Variants in EEFSEC observed in about 807,000 individuals in gnomAD.
EEFSEC encodes eukaryotic elongation factor, selenocysteine-tRNA specific, also known as selenocysteine-specific elongation factor.
A neutral mutation model predicts 42.1 loss-of-function variants in EEFSEC; 43 were observed. The observed-to-expected ratio is 1.02, with a 90% CI of 0.80 to 1.32. EEFSEC has a LOEUF of 1.32. EEFSEC is among the 40% of genes most tolerant of loss of function. EEFSEC has a pLI of 0.00. For missense variants in EEFSEC, 745 were observed against 803.6 expected, an observed-to-expected ratio of 0.93 and a Z score of 0.88; for synonymous variants, 354 against 339.1, an observed-to-expected ratio of 1.04 and a Z score of -0.48.
At chr3:128,335,706 GGGAAGAACAGGCTCTT>G (rs1238911600) in intron 4 of EEFSEC, among the ~76,000 whole-genome samples, 1 of 152,154 alleles carries the variant, frequency 6.6e-6, no homozygotes, top group African/African-American at 2.4e-5. Flanking sequence ...ACAGGCTGTG[GGGAAGAACAGGCTCTT>G]GGAAGAACAG....
chr3:128,408,295 G>C lies in EEFSEC; in HGVS notation c.*36G>C. 6.6e-7 allele frequency: 1 copy of C among 1,514,110 alleles called. No homozygotes were observed. The allele number at this position is 1,514,110 out of a possible 1,614,324, so 93.8% of individuals were successfully genotyped here. Reference sequence around the variant, plus strand: ...ACCTCCCCCAGGGCCTCCTTGCCCAGCCCAGTCCAGGCTGCTGTGCCAAAT... The same window carrying C: ...ACCTCCCCCAGGGCCTCCTTGCCCACCCCAGTCCAGGCTGCTGTGCCAAAT... On this transcript the variant is annotated 3_prime_UTR_variant, in exon 7 of 7. Coordinates refer to ENST00000254730, the MANE Select transcript of EEFSEC (RefSeq NM_021937.5).
downstream of EEFSEC, among the ~76,000 whole-genome samples, chr3:128,411,331 C>T (rs928166907): frequency 2.6e-5 from 4 of 152,208 alleles, no homozygotes; most frequent in African/African-American, 9.7e-5. Flanking sequence ...GTAAACTCAC[C>T]GAATCTGCTC....
At chr3:128,396,199 G>A (rs2067979561) in intron 6 of EEFSEC, among the ~76,000 whole-genome samples, 1 of 152,178 alleles carries the variant, frequency 6.6e-6, no homozygotes, top group Non-Finnish European at 1.5e-5. Flanking sequence ...TCATGGACCA[G>A]GCCTGGCTTA....
At chr3:128,252,082 C>G (rs1176420941) in intron 2 of EEFSEC, among the ~76,000 whole-genome samples, 1 of 152,174 alleles carries the variant, frequency 6.6e-6, no homozygotes, top group African/African-American at 2.4e-5. Flanking sequence ...TGACAGCATC[C>G]TTGATACATC....
At chr3:128,404,809 C>T (rs777967049) in intron 6 of EEFSEC, among the ~76,000 whole-genome samples, 1 of 152,206 alleles carries the variant, frequency 6.6e-6, no homozygotes, top group Non-Finnish European at 1.5e-5. Flanking sequence ...CATAGTGTCA[C>T]ATGTCCCTCA....
intron 6 of EEFSEC, among the ~76,000 whole-genome samples, chr3:128,372,059 T>C (rs528770861): frequency 1.3e-5 from 2 of 152,392 alleles, no homozygotes; most frequent in East Asian, 1.9e-4. Context: ...TCTAAAACTT[T>C]CCAGATTTGC....
At chr3:128,360,591 G>C (rs937793310) in intron 6 of EEFSEC, among the ~76,000 whole-genome samples, 1 of 152,132 alleles carries the variant, frequency 6.6e-6, no homozygotes, top group Non-Finnish European at 1.5e-5. Flanking sequence ...TATTCCCAGG[G>C]CAGGCAAGAA....
Position 128,408,070 on chromosome 3 carries a change from T to A in EEFSEC, c.1602T>A (p.Gly534=), listed in dbSNP as rs768123561. Residue 534 remains glycine, a splice_region_variant and synonymous_variant, in exon 7 of 7, where the codon GGT becomes GGA. Coordinates refer to ENST00000254730, the MANE Select transcript of EEFSEC (RefSeq NM_021937.5). ...CAGGCTCTCTTCTGTGCCTTGCAGG[T>A]GGCCTCAGCCCCGAGTCCAAGAAGA... The part of the protein sequence containing the change: ...QSGKFKIHIP[G]GLSPESKKIL... 6.4e-7 allele frequency: 1 copy of A among 1,553,466 alleles called. No homozygotes were observed. Among genetic ancestry groups the A allele is most frequent in the South Asian group, 1.2e-5 (1 of 81,874 alleles).
chr3:128,321,440 T>C lies in EEFSEC; in HGVS notation c.787-19793T>C, dbSNP rs1437419482. Among the ~76,000 whole-genome samples the C allele has an allele frequency of 2.0e-5, 3 of 152,102 alleles. No individual in the cohort carries two copies. The East Asian group carries it at 5.8e-4, about 29-fold the overall frequency. ...GGGGGAAGGACCCAGGCAAGGATTT[T>C]ATGACCTGTCCCTCTCCCTTCCTGT... On this transcript the variant is annotated intron_variant, in intron 4 of 6. Coordinates refer to ENST00000254730, the MANE Select transcript of EEFSEC (RefSeq NM_021937.5).
chr3:128,187,868 T>C (rs2065480644), intron 1 of EEFSEC, among the ~76,000 whole-genome samples: 1 of 152,110 alleles, frequency 6.6e-6, no homozygotes, highest in African/African-American at 2.4e-5. Context: ...TTTCAGAAAA[T>C]GGGCATTGAC....
intron 1 of EEFSEC, among the ~76,000 whole-genome samples, chr3:128,223,881 C>T (rs997128350): frequency 6.8e-5 from 5 of 73,940 alleles, no homozygotes; most frequent in African/African-American, 1.8e-4. Flanking sequence ...GATATAAAAA[C>T]GGGATATTTT....
At chr3:128,176,719 T>A (rs908209857) in intron 1 of EEFSEC, among the ~76,000 whole-genome samples, 2 of 152,204 alleles carry the variant, frequency 1.3e-5, no homozygotes, top group African/African-American at 4.8e-5. Flanking sequence ...GGCTTCAACA[T>A]TTGTTAGCTA....
chr3:128,387,827 T>C (rs560307078), intron 6 of EEFSEC, among the ~76,000 whole-genome samples: 3 of 152,260 alleles, frequency 2.0e-5, no homozygotes, highest in South Asian at 4.1e-4. Context: ...CCCGCTTGCA[T>C]GTTTGGAGCC....
Position 128,206,387 on chromosome 3 carries a change from G to A in EEFSEC, c.317-40449G>A, listed in dbSNP as rs541686202. Among the ~76,000 whole-genome samples, 83 of 152,260 alleles carry A rather than the reference G, an allele frequency of 5.5e-4. 1 individual carries two copies. The South Asian group carries it at 0.016, about 29-fold the overall frequency. ...AATTACCCTTGTTTTTATCAGGCGC[G>A]TTTTGAACTTGAATCTAGGCATTAG... On this transcript the variant is annotated intron_variant, in intron 1 of 6. Coordinates refer to ENST00000254730, the MANE Select transcript of EEFSEC (RefSeq NM_021937.5).
chr3:128,292,056 T>C (rs1213787375), intron 4 of EEFSEC, among the ~76,000 whole-genome samples: 3 of 152,160 alleles, frequency 2.0e-5, no homozygotes, highest in African/African-American at 7.2e-5. Context: ...GTTTTTCTCC[T>C]TTATTCTGTT....
rs2065309859 is a variant in EEFSEC, at chr3:128,172,559, A to C, written c.316+18736A>C. On this transcript the variant is annotated intron_variant, in intron 1 of 6. Transcript: ENST00000254730. ...AGTGATCCTCCTGCTTTGACTGCCC[A>C]AAGTGCTGGGATTACAGGTGTGAAC... 2.0e-5 allele frequency among the ~76,000 whole-genome samples: 3 copies of C among 152,188 alleles called. No individual in the cohort carries two copies. In the South Asian group the frequency reaches 6.2e-4, roughly 32 times the overall value.
intron 4 of EEFSEC, among the ~76,000 whole-genome samples, chr3:128,280,682 C>G (rs753565154): frequency 6.6e-6 from 1 of 152,236 alleles, no homozygotes; most frequent in Non-Finnish European, 1.5e-5. Context: ...TGCCTCTGTA[C>G]GGTCTTCCCT....
chr3:128,258,689 A>G (rs1327598922), intron 2 of EEFSEC, among the ~76,000 whole-genome samples: 1 of 152,132 alleles, frequency 6.6e-6, no homozygotes, highest in Non-Finnish European at 1.5e-5. Context: ...GTGATAGCAA[A>G]CTGTCATAGT....
intron 6 of EEFSEC, 119 bp downstream of exon 6, chr3:128,358,492 A>C: frequency 6.9e-7 from 1 of 1,439,482 alleles, no homozygotes; most frequent in South Asian, 1.4e-5. Flanking sequence ...TTGCCGAGAC[A>C]CGGGGTGACT....
Sources: allele counts gnomAD v4.1 joint callset (sites outside exome capture counted in the v4.1 genomes callset), GRCh38; gene constraint gnomAD v4.1.1; transcripts MANE v1.5; gene names NCBI Gene and HGNC (gene_info 2026-07-23, HGNC 2026-07-21).